Variants in KATNBL1 observed in about 807,000 individuals in gnomAD.
The protein encoded by KATNBL1 is katanin regulatory subunit B1 like 1, also known as KATNB1-like protein 1.
In KATNBL1, 28 loss-of-function variants were observed where a neutral mutation model predicts 44.7. That is an observed-to-expected ratio of 0.63 (90% CI 0.46 to 0.86). The LOEUF (loss-of-function observed/expected upper bound fraction) is 0.86. Ranked by LOEUF, KATNBL1 falls within the 40% of genes least tolerant of loss-of-function variation. The pLI, the probability that KATNBL1 is intolerant of heterozygous loss-of-function variation, is 0.00. For missense variants in KATNBL1, 272 were observed against 350.7 expected (o/e 0.78, Z 1.79); for synonymous variants, 78 against 114.9 (o/e 0.68, Z 2.06).
intron 4 of KATNBL1, among the ~76,000 whole-genome samples, chr15:34,151,756 G>A (rs145317258): frequency 2.5e-4 from 38 of 152,022 alleles, no homozygotes; most frequent in Admixed American, 3.3e-4. Context: ...ATGAGGTTTC[G>A]CCATGTTGGC....
intron 1 of KATNBL1, among the ~76,000 whole-genome samples, chr15:34,207,642 C>A (rs1890329218): frequency 6.6e-6 from 1 of 151,674 alleles, no homozygotes; most frequent in Non-Finnish European, 1.5e-5. Context: ...AGTTCTGTGG[C>A]TGCACTGAAG....
intron 9 of KATNBL1, among the ~76,000 whole-genome samples, chr15:34,144,216 T>G (rs1888242459): frequency 6.6e-6 from 1 of 151,850 alleles, no homozygotes; most frequent in Non-Finnish European, 1.5e-5. Flanking sequence ...TCAGCTACAT[T>G]AATTCCCTGA....
At chr15:34,186,135 G>C (rs1597455062) in intron 1 of KATNBL1, among the ~76,000 whole-genome samples, 2 of 152,270 alleles carry the variant, frequency 1.3e-5, no homozygotes, top group Middle Eastern at 3.4e-3. Flanking sequence ...TCTGGTCATT[G>C]ATCTTTCTGG....
intron 1 of KATNBL1, among the ~76,000 whole-genome samples, chr15:34,191,676 A>G (rs1201926858): frequency 2.0e-5 from 3 of 152,064 alleles, no homozygotes; most frequent in Admixed American, 1.3e-4. Flanking sequence ...GGCTGGGCGC[A>G]GTGGCTCACA....
intron 1 of KATNBL1, among the ~76,000 whole-genome samples, chr15:34,178,560 A>T (rs1220673499): frequency 1.3e-5 from 2 of 152,084 alleles, no homozygotes; most frequent in Non-Finnish European, 2.9e-5. Context: ...GATCGAGACC[A>T]TCCTGGCTAA....
At chr15:34,159,171 G>A (rs1355722375) in intron 2 of KATNBL1, among the ~76,000 whole-genome samples, 2 of 151,884 alleles carry the variant, frequency 1.3e-5, no homozygotes, top group East Asian at 3.8e-4. Context: ...TCTGTTAATA[G>A]GGCTGTTGCT....
At chr15:34,171,258 A>G (rs1478143895) in intron 1 of KATNBL1, among the ~76,000 whole-genome samples, 1 of 152,234 alleles carries the variant, frequency 6.6e-6, no homozygotes, top group Non-Finnish European at 1.5e-5. Flanking sequence ...AAACAACCCA[A>G]TCAAAACGTG....
intron 1 of KATNBL1, among the ~76,000 whole-genome samples, chr15:34,171,940 G>A (rs556619585): frequency 7.4e-6 from 1 of 134,324 alleles, no homozygotes; most frequent in African/African-American, 2.7e-5. Flanking sequence ...CTGTCATGGG[G>A]TGGGGGGTGG....
At chr15:34,196,795 G>A (rs1890041346) in intron 1 of KATNBL1, among the ~76,000 whole-genome samples, 1 of 152,126 alleles carries the variant, frequency 6.6e-6, no homozygotes, top group Non-Finnish European at 1.5e-5. Flanking sequence ...TTTATAGTTT[G>A]GGCTTAAAGT....
intron 1 of KATNBL1, among the ~76,000 whole-genome samples, chr15:34,189,945 T>TG (rs747575414): frequency 5.9e-5 from 6 of 101,454 alleles, no homozygotes; most frequent in Admixed American, 2.5e-4. Flanking sequence ...AAGAAGTACA[T>TG]TCTTTTTTTT....
intron 1 of KATNBL1, among the ~76,000 whole-genome samples, chr15:34,167,297 G>T (rs183823617): frequency 6.6e-6 from 1 of 152,284 alleles, no homozygotes. Flanking sequence ...ACTTCATAAA[G>T]CATACACAAG....
chr15:34,176,045 G>A (rs767505619), intron 1 of KATNBL1, among the ~76,000 whole-genome samples: 1 of 152,220 alleles, frequency 6.6e-6, no homozygotes, highest in East Asian at 1.9e-4. Flanking sequence ...TAAACGAAAT[G>A]TGGTGTATCT....
chr15:34,161,470 AAAG>A (rs1196462436), intron 2 of KATNBL1, among the ~76,000 whole-genome samples: 3 of 152,230 alleles, frequency 2.0e-5, no homozygotes, highest in African/African-American at 7.2e-5. Flanking sequence ...TCAATGCCGC[AAAG>A]AAGAATCAGC....
intron 1 of KATNBL1, among the ~76,000 whole-genome samples, chr15:34,198,868 T>C (rs749716957): frequency 1.2e-4 from 18 of 152,200 alleles, no homozygotes; most frequent in Non-Finnish European, 1.9e-4. Flanking sequence ...TATGAGAAAC[T>C]ATTATATAGG....
chr15:34,145,312 G>A, intron 9 of KATNBL1, 86 bp downstream of exon 9: 2 of 1,308,274 alleles, frequency 1.5e-6, no homozygotes, highest in South Asian at 3.6e-5. Context: ...ATATTATTTT[G>A]CCTAGAGACT....
At chr15:34,167,236 T>G (rs1248455332) in intron 1 of KATNBL1, among the ~76,000 whole-genome samples, 1 of 152,168 alleles carries the variant, frequency 6.6e-6, no homozygotes, top group African/African-American at 2.4e-5. Flanking sequence ...GAATAACCAG[T>G]GTAGAGAAGA....
At chr15:34,168,540 G>A (rs904818762) in intron 1 of KATNBL1, among the ~76,000 whole-genome samples, 2 of 151,940 alleles carry the variant, frequency 1.3e-5, no homozygotes, top group African/African-American at 4.8e-5. Context: ...TGAGACAGAA[G>A]GTTAACAAGG....
At chr15:34,146,522 C>T in intron 8 of KATNBL1, 1 of 394,272 alleles carries the variant, frequency 2.5e-6, no homozygotes, top group East Asian at 4.4e-5. Flanking sequence ...TGTTTTTCTT[C>T]TAAAATGAAG....
chr15:34,172,278 ATGGAGTCTCACTCTAT>A (rs1889186199), intron 1 of KATNBL1, among the ~76,000 whole-genome samples: 1 of 17,832 alleles, frequency 5.6e-5, no homozygotes, highest in Non-Finnish European at 1.7e-4. Flanking sequence ...TTTTTTTGAG[ATGGAGTCTCACTCTAT>A]TGCCCAGGCT....
Sources: gnomAD v4.1 joint callset for allele counts (sites outside exome capture counted in the v4.1 genomes callset) on GRCh38, gnomAD v4.1.1 for gene constraint, MANE v1.5 for transcripts, NCBI Gene and HGNC (gene_info 2026-07-23, HGNC 2026-07-21) for gene names.